IAH1: variants seen among roughly 807,000 people sequenced by gnomAD.
IAH1 encodes isoamyl acetate-hydrolyzing esterase 1 homolog.
A neutral mutation model predicts 26.7 loss-of-function variants in IAH1; 24 were observed. The ratio of observed to expected loss-of-function variants is 0.90; its 90% CI spans 0.65 to 1.26. The LOEUF (loss-of-function observed/expected upper bound fraction) is 1.26. IAH1 is among the 50% of genes most tolerant of loss of function. The probability of loss-of-function intolerance (pLI) is 0.00; values close to 1 mark genes in which losing one functional copy is unlikely to be tolerated. For missense variants in IAH1, 300 were observed against 299.9 expected, an observed-to-expected ratio of 1.00 and a Z score of 0.00; for synonymous variants, 140 against 118.5, an observed-to-expected ratio of 1.18 and a Z score of -1.18.
the IAH1 span, chr2:9,502,105 A>G: frequency 7.3e-7 from 1 of 1,372,104 alleles, no homozygotes; most frequent in Non-Finnish European, 1.0e-6. Flanking sequence ...ACAAAACATA[A>G]TCTTGTTTTT....
At chr2:9,505,373 G>C in the IAH1 span, 1 of 1,611,684 alleles carries the variant, frequency 6.2e-7, no homozygotes, top group South Asian at 1.1e-5. Context: ...CATCTTGAGA[G>C]AAAAAAGGCA....
intron 5 of IAH1, chr2:9,486,500 A>G (rs559786294): frequency 6.6e-6 from 1 of 152,316 alleles, no homozygotes; most frequent in Non-Finnish European, 1.5e-5. Flanking sequence ...AAGTGCTACT[A>G]TTATATGATA....
At position 9,475,989 on chromosome 2, in the gene IAH1, T is replaced by C. The variant is rs1456848235; in HGVS notation, c.84T>C (p.Phe28=). The C allele has an allele frequency of 6.2e-7, 1 of 1,613,660 alleles. No homozygotes were observed. Among genetic ancestry groups the C allele is most frequent in the East Asian group, 2.2e-5 (1 of 44,886 alleles). The stretch of plus-strand genomic sequence containing the variant: ...ATAATGGGCTTTTCTTCCTCCAGTT[T>C]TCCTTCCAGCAGGGTGGATGGGGAG... ...LLLFGDSITQ[F]SFQQGGWGAS... The change falls in exon 2 of 6, where the codon TTT becomes TTC. Residue 28 remains phenylalanine, a splice_region_variant and synonymous_variant. Coordinates refer to ENST00000497473, the MANE Select transcript of IAH1 (RefSeq NM_001039613.3).
At position 9,474,887 on chromosome 2, in the gene IAH1, G is replaced by T; in HGVS notation, c.81+240G>T. ...GCCCGGGCTCCAGGCACAGACGCGA[G>T]GGGACCCGGCCGCGCTGCCCGCCCC... On this transcript the variant is annotated intron_variant, in intron 1 of 5. Coordinates refer to ENST00000497473, the MANE Select transcript of IAH1 (RefSeq NM_001039613.3). This position sits in a 1 kb window ranked among gnomAD's most constrained non-coding sequence, Gnocchi z 4.3. 1 of 559,868 alleles carries T rather than the reference G, an allele frequency of 1.8e-6. No individual in the cohort carries two copies. The highest frequency in any genetic ancestry group is 2.6e-6 in the Non-Finnish European group (1 of 390,822). 34.7% of individuals were successfully genotyped at this position (559,868 alleles called of 1,614,324 possible).
chr2:9,489,259 A>ATTTTTTTT lies in IAH1; in HGVS notation c.*947_*954dup, dbSNP rs34525911. 231 of 87,378 alleles carry ATTTTTTTT rather than the reference A, an allele frequency of 2.6e-3. 24 individuals carry two copies. The highest frequency in any genetic ancestry group is 0.015 in the African/African-American group (226 of 15,510). 5.4% of individuals were successfully genotyped at this position (87,378 alleles called of 1,614,324 possible). A position where few individuals can be genotyped will look rare whatever the true frequency, so the allele number is the denominator to read the frequency against. On this transcript the variant is annotated 3_prime_UTR_variant, in exon 6 of 6. Transcript: ENST00000497473. ...AATATTCTAGGTTTGTAGATAGTGAATTTTTTTTTTTTTTTTTTTTTTTTG... is the reference window on the plus strand; with the variant it reads ...AATATTCTAGGTTTGTAGATAGTGAATTTTTTTTTTTTTTTTTTTTTTTTTTTTTTTTG...
Position 9,484,472 on chromosome 2 carries a change from T to C in IAH1, c.486T>C (p.Tyr162=). Residue 162 remains tyrosine (Y), a synonymous_variant, in exon 5 of 6, where the codon TAT becomes TAC. Coordinates refer to ENST00000497473, the MANE Select transcript of IAH1 (RefSeq NM_001039613.3). ...GCCTGAACTCTGTTGTTGGTGAATA[T>C]GCCAATGCGTGTTTACAAGTGGCCC... ...LNRLNSVVGE[Y]ANACLQVAQD... is the part of the protein sequence containing the mutation. The C allele has an allele frequency of 6.2e-7, 1 of 1,614,224 alleles. No individual in the cohort carries two copies. Among genetic ancestry groups the C allele is most frequent in the Non-Finnish European group, 8.5e-7 (1 of 1,180,028 alleles).
downstream of IAH1, chr2:9,490,217 T>C (rs750426388): frequency 8.1e-6 from 13 of 1,601,100 alleles, no homozygotes; most frequent in East Asian, 2.9e-4. Context: ...ATTCTGACGC[T>C]GCAGTTTAAA....
downstream of IAH1, chr2:9,493,891 T>C: frequency 7.2e-7 from 1 of 1,384,712 alleles, no homozygotes; most frequent in East Asian, 2.3e-5. Context: ...CAATGTAGCT[T>C]TATAAAAATA....
At chr2:9,503,107 T>C in the IAH1 span, among the ~76,000 whole-genome samples, 1 of 130,458 alleles carries the variant, frequency 7.7e-6, no homozygotes, top group Admixed American at 8.8e-5. Flanking sequence ...GCCACTGCAC[T>C]CCAGCCTGGT....
Position 9,484,518 on chromosome 2 carries a change from C to G in IAH1, c.532C>G (p.Leu178Val), listed in dbSNP as rs752189887. The change falls in exon 5 of 6, where the codon CTT becomes GTT. Residue 178 changes from leucine (L) to valine (V), a missense_variant. Physicochemically the swap from Leu to Val is conservative, Grantham distance 32 (BLOSUM62 1). Transcript: ENST00000497473. ...QVAQDCGTDV[L>V]DLWTLMQDSQ... Reference sequence around the variant, plus strand: ...GGCCCAAGACTGTGGGACTGACGTACTTGACCTGTGGACCCTGATGCAGGA... The same window carrying G: ...GGCCCAAGACTGTGGGACTGACGTAGTTGACCTGTGGACCCTGATGCAGGA... 1 of 1,614,064 alleles carries G rather than the reference C, an allele frequency of 6.2e-7. No individual in the cohort carries two copies.
intron 2 of IAH1, 84 bp from the exon 3 acceptor site, chr2:9,478,138 G>C: frequency 7.9e-7 from 1 of 1,270,248 alleles, no homozygotes; most frequent in South Asian, 1.5e-5. Context: ...GAATCCCAGA[G>C]AGCACACCCT....
chr2:9,495,075 G>A (rs559960450), intron 6 of IAH1, among the ~76,000 whole-genome samples: 18 of 152,264 alleles, frequency 1.2e-4, no homozygotes, highest in Admixed American at 1.0e-3. Flanking sequence ...TCTTCTAAAT[G>A]CTTCCCTTTG....
At chr2:9,483,506 A>G (rs1661301790) in intron 4 of IAH1, among the ~76,000 whole-genome samples, 1 of 152,202 alleles carries the variant, frequency 6.6e-6, no homozygotes, top group African/African-American at 2.4e-5. Flanking sequence ...GCTGGTGAAT[A>G]GTTTCTTCGC....
At chr2:9,477,945 G>A (rs932917579) in intron 2 of IAH1, among the ~76,000 whole-genome samples, 1 of 152,106 alleles carries the variant, frequency 6.6e-6, no homozygotes, top group Non-Finnish European at 1.5e-5. Flanking sequence ...ACTATACCAT[G>A]CTTGAAGTCA....
At position 9,488,532 on chromosome 2, in the gene IAH1, A is replaced by C; in HGVS notation, c.*203A>C. Reference sequence around the variant, plus strand: ...TAATGCAGATATCAGTGCTACAGCTATAAAATATACCCTGAGCAGCTTGTT... The same window carrying C: ...TAATGCAGATATCAGTGCTACAGCTCTAAAATATACCCTGAGCAGCTTGTT... On this transcript the variant is annotated 3_prime_UTR_variant, in exon 6 of 6. Coordinates refer to ENST00000497473, the MANE Select transcript of IAH1 (RefSeq NM_001039613.3). 2.3e-6 allele frequency: 1 copy of C among 427,110 alleles called. No homozygotes were observed. Among genetic ancestry groups the C allele is most frequent in the Non-Finnish European group, 4.1e-6 (1 of 243,696 alleles). 26.5% of individuals were successfully genotyped at this position (427,110 alleles called of 1,614,324 possible).
the IAH1 span, chr2:9,502,049 A>T: frequency 1.2e-6 from 1 of 843,734 alleles, no homozygotes; most frequent in Non-Finnish European, 1.9e-6. Flanking sequence ...AGTGCCAGAA[A>T]CTCAACCCGG....
At chr2:9,501,361 G>A (rs1198301195), downstream of IAH1, among the ~76,000 whole-genome samples, 1 of 152,174 alleles carries the variant, frequency 6.6e-6, no homozygotes, top group Non-Finnish European at 1.5e-5. Context: ...CTCAGACACA[G>A]GCAACCTAGC....
intron 6 of IAH1, among the ~76,000 whole-genome samples, chr2:9,495,498 A>AG (rs963449596): frequency 2.2e-4 from 33 of 152,198 alleles, no homozygotes; most frequent in African/African-American, 7.7e-4. Flanking sequence ...AGATCACTTG[A>AG]GGCCAGGAGT....
chr2:9,507,605 C>T, the IAH1 span, among the ~76,000 whole-genome samples: 4 of 152,172 alleles, frequency 2.6e-5, no homozygotes, highest in East Asian at 5.8e-4. Flanking sequence ...AAAACACAGA[C>T]TAAATATGAT....
Sources: allele counts gnomAD v4.1 joint callset (sites outside exome capture counted in the v4.1 genomes callset), GRCh38; gene constraint gnomAD v4.1.1; non-coding constraint Gnocchi (gnomAD v3.1); transcripts MANE v1.5; gene names NCBI Gene and HGNC (gene_info 2026-07-23, HGNC 2026-07-21).